Variants in UNC5D observed in about 807,000 individuals in gnomAD.
UNC5D encodes unc-5 netrin receptor D, also known as netrin receptor UNC5D.
Under a neutral mutation model 105.4 loss-of-function variants are expected in UNC5D, and 39 were observed. That is an observed-to-expected ratio of 0.37 (90% CI 0.29 to 0.48). The LOEUF (loss-of-function observed/expected upper bound fraction) is 0.48. Among genes scored for constraint, UNC5D ranks in the 20% least tolerant of loss-of-function variants. The probability of loss-of-function intolerance (pLI) is 0.98; values close to 1 mark genes in which losing one functional copy is unlikely to be tolerated. For missense variants in UNC5D, 991 were observed against 1,202.4 expected (o/e 0.82, Z 2.60); for synonymous variants, 452 against 450.4 (o/e 1.00, Z -0.04).
intron 1 of UNC5D, among the ~76,000 whole-genome samples, chr8:35,308,112 A>ATGTGTGTGTGTGTGTGTGTGTG (rs374542443): frequency 6.8e-6 from 1 of 147,680 alleles, no homozygotes; most frequent in Non-Finnish European, 1.5e-5. Context: ...CTATGTCACA[A>ATGTGTGTGTGTGTGTGTGTGTG]TGTATGTGTG....
intron 11 of UNC5D, among the ~76,000 whole-genome samples, chr8:35,733,953 G>C (rs979045993): frequency 3.8e-4 from 57 of 151,924 alleles, no homozygotes; most frequent in Admixed American, 3.3e-3. Flanking sequence ...TTTCTATAGA[G>C]GTTTGAGGGG....
chr8:35,305,589 C>CTCTTTCTTTCTTTCTTTCA (rs1554505737), intron 1 of UNC5D, among the ~76,000 whole-genome samples: 22 of 61,678 alleles, frequency 3.6e-4, no homozygotes, highest in Non-Finnish European at 5.9e-4. Context: ...TTCTTTCTTT[C>CTCTTTCTTTCTTTCTTTCA]TTTCTTTCTT....
At chr8:35,505,405 G>C (rs954138826) in intron 1 of UNC5D, among the ~76,000 whole-genome samples, 1 of 152,140 alleles carries the variant, frequency 6.6e-6, no homozygotes, top group Non-Finnish European at 1.5e-5. Flanking sequence ...AACTAAATCA[G>C]TTCTTGAAAA....
chr8:35,747,633 T>C (rs139256386), intron 11 of UNC5D, among the ~76,000 whole-genome samples: 1 of 152,194 alleles, frequency 6.6e-6, no homozygotes, highest in Non-Finnish European at 1.5e-5. Flanking sequence ...GGGGGAAAAA[T>C]AAGCAGACAT....
chr8:35,473,496 A>G (rs540754205), intron 1 of UNC5D, among the ~76,000 whole-genome samples: 2 of 152,300 alleles, frequency 1.3e-5, no homozygotes, highest in African/African-American at 2.4e-5. Context: ...ATTGACACCC[A>G]TTATTAAAAG....
intron 4 of UNC5D, among the ~76,000 whole-genome samples, chr8:35,670,592 G>GCAAA (rs1363388348): frequency 5.3e-5 from 8 of 152,078 alleles, no homozygotes; most frequent in Admixed American, 5.2e-4. Context: ...ATTATCCTCA[G>GCAAA]CAAACTAACA....
chr8:35,703,054 T>A (rs1827317775), intron 7 of UNC5D, among the ~76,000 whole-genome samples: 2 of 151,996 alleles, frequency 1.3e-5, no homozygotes, highest in African/African-American at 4.8e-5. Context: ...AAGTTTTGAT[T>A]TGCGTTGGTC....
At chr8:35,630,940 G>C (rs1281293228) in intron 4 of UNC5D, among the ~76,000 whole-genome samples, 1 of 152,214 alleles carries the variant, frequency 6.6e-6, no homozygotes, top group Non-Finnish European at 1.5e-5. Context: ...GGGAATGAAA[G>C]TAGTTTCTCT....
chr8:35,579,276 G>A (rs1315101951), intron 3 of UNC5D, among the ~76,000 whole-genome samples: 1 of 152,168 alleles, frequency 6.6e-6, no homozygotes, highest in Non-Finnish European at 1.5e-5. Context: ...ATGCATTCCA[G>A]AAACTTGCCA....
intron 15 of UNC5D, among the ~76,000 whole-genome samples, chr8:35,773,756 C>G (rs1231208581): frequency 6.6e-6 from 1 of 152,142 alleles, no homozygotes; most frequent in Non-Finnish European, 1.5e-5. Context: ...AAGTTTGGCT[C>G]TTGTTGCCCA....
chr8:35,774,926 C>CAAAAAAAAAAAAAAA (rs548702956), intron 16 of UNC5D, among the ~76,000 whole-genome samples: 3 of 120,368 alleles, frequency 2.5e-5, no homozygotes, highest in South Asian at 2.8e-4. Context: ...GACCCTCCTC[C>CAAAAAAAAAAAAAAA]AAAAAAAAAA....
chr8:35,530,914 G>T (rs1301056731), intron 1 of UNC5D, among the ~76,000 whole-genome samples: 2 of 141,004 alleles, frequency 1.4e-5, no homozygotes, highest in Non-Finnish European at 3.0e-5. Context: ...ATTTTTTATT[G>T]TGTCTATTTG....
At chr8:35,386,111 CTTTTATT>C (rs2128936415) in intron 1 of UNC5D, among the ~76,000 whole-genome samples, 2 of 152,240 alleles carry the variant, frequency 1.3e-5, no homozygotes, top group South Asian at 4.1e-4. Context: ...TTAATTTAAT[CTTTTATT>C]TTTTATTTTT....
At chr8:35,346,337 T>C (rs17341507) in intron 1 of UNC5D, among the ~76,000 whole-genome samples, 22,690 of 152,034 alleles carry the variant, frequency 0.15, 2,104 homozygotes, top group Non-Finnish European at 0.22. Flanking sequence ...AAAGGTTTTT[T>C]CCTTGAATAT....
chr8:35,568,562 G>A (rs768828317), intron 3 of UNC5D, among the ~76,000 whole-genome samples: 24 of 152,138 alleles, frequency 1.6e-4, no homozygotes, highest in African/African-American at 5.3e-4. Flanking sequence ...GGTGGTGTGC[G>A]TCTGTCGTCC....
intron 2 of UNC5D, among the ~76,000 whole-genome samples, chr8:35,550,899 A>C (rs143723561): frequency 6.6e-6 from 1 of 152,222 alleles, no homozygotes; most frequent in East Asian, 1.9e-4. Flanking sequence ...TAGTAAATGA[A>C]GAAAGCTTGG....
At chr8:35,286,413 C>T (rs1806600922) in intron 1 of UNC5D, among the ~76,000 whole-genome samples, 1 of 152,156 alleles carries the variant, frequency 6.6e-6, no homozygotes, top group South Asian at 2.1e-4. Flanking sequence ...GAATTCCTAG[C>T]GAGCTTCCCC....
At chr8:35,545,197 G>A (rs1815560245) in intron 1 of UNC5D, among the ~76,000 whole-genome samples, 1 of 152,232 alleles carries the variant, frequency 6.6e-6, no homozygotes, top group South Asian at 2.1e-4. Context: ...CATTCATGCA[G>A]TCTTGCATAA....
intron 4 of UNC5D, among the ~76,000 whole-genome samples, chr8:35,649,926 A>G (rs1409568392): frequency 6.6e-6 from 1 of 152,194 alleles, no homozygotes; most frequent in Non-Finnish European, 1.5e-5. Context: ...TGGAACAGAA[A>G]AAAGACATTG....
Sources: allele counts gnomAD v4.1 joint callset (sites outside exome capture counted in the v4.1 genomes callset), GRCh38; gene constraint gnomAD v4.1.1; transcripts MANE v1.5; gene names NCBI Gene and HGNC (gene_info 2026-07-23, HGNC 2026-07-21).